PNP: variants seen among roughly 807,000 people sequenced by gnomAD.
PNP encodes the protein HEL-S-156an.
PNP carries 18 observed loss-of-function variants against 26.8 expected under a neutral mutation model. The observed-to-expected ratio is 0.67, with a 90% confidence interval of 0.46 to 1.00. The LOEUF is 1.00. PNP is among the 50% of genes least tolerant of loss of function. The pLI is 0.00. For missense variants in PNP, 320 were observed against 362.9 expected, an observed-to-expected ratio of 0.88 and a Z score of 0.96; for synonymous variants, 116 against 124.8, an observed-to-expected ratio of 0.93 and a Z score of 0.47.
At chr14:20,469,667 T>A in intron 1 of PNP, 132 bp downstream of exon 1, 1 of 1,217,350 alleles carries the variant, frequency 8.2e-7, no homozygotes, top group Non-Finnish European at 1.2e-6. Flanking sequence ...GGCCTGGCAC[T>A]GAGCCTAGTG....
Position 20,474,558 on chromosome 14 carries a change from G to A in PNP, c.268G>A (p.Gly90Arg), listed in dbSNP as rs775945427. 5.0e-6 allele frequency: 8 copies of A among 1,613,968 alleles called. No individual in the cohort carries two copies. In the Admixed American group the frequency reaches 1.2e-4, roughly 24 times the overall value. The part of the protein sequence containing the change: ...MMQGRFHMYE[G>R]YPLWKVTFPV... ...GCAGGGCAGGTTCCACATGTATGAA[G>A]GGTACCCACTCTGGAAGGTAAGTCA... Residue 90 changes from glycine to arginine, a missense_variant, in exon 3 of 6, where the codon GGG becomes AGG. Gly to Arg is a moderately radical substitution (Grantham distance 125). Coordinates refer to ENST00000361505, the MANE Select transcript of PNP (RefSeq NM_000270.4).
chr14:20,475,318 A>G, intron 5 of PNP, 66 bp downstream of exon 5: 1 of 1,419,556 alleles, frequency 7.0e-7, no homozygotes, highest in Middle Eastern at 2.1e-4. Flanking sequence ...AAGGGGAAGG[A>G]GTAGGAAATA....
At chr14:20,475,003 G>A (rs577416476) in intron 4 of PNP, 55 bp downstream of exon 4, 1 of 1,613,408 alleles carries the variant, frequency 6.2e-7, no homozygotes, top group South Asian at 1.1e-5. Flanking sequence ...ACTTCTCTAG[G>A]AGCTGTGGGA....
At position 20,475,091 on chromosome 14, in the gene PNP, A is replaced by C. The variant is rs774704206; in HGVS notation, c.491A>C (p.Asp164Ala). Residue 164 changes from aspartate (D) to alanine (A), a missense_variant, in exon 5 of 6, where the codon GAT (aspartate) becomes GCT (alanine). By Grantham distance (126) the Asp-to-Ala change is moderately radical (BLOSUM62 -2). Coordinates refer to ENST00000361505, the MANE Select transcript of PNP (RefSeq NM_000270.4). ...RFGDRFPAMS[D>A]AYDRTMRQRA... ...GGAGATCGTTTCCCTGCCATGTCTG[A>C]TGCCTACGACCGGACTATGAGGCAG... The C allele has an allele frequency of 6.2e-7, 1 of 1,614,112 alleles. No individual in the cohort carries two copies. The highest frequency in any genetic ancestry group is 1.3e-5 in the African/African-American group (1 of 74,928).
chr14:20,475,612 G>A (rs903302807), intron 5 of PNP, among the ~76,000 whole-genome samples: 4 of 151,996 alleles, frequency 2.6e-5, no homozygotes, highest in African/African-American at 9.7e-5. Flanking sequence ...AGCCTTCCGA[G>A]TAGCTGGGAT....
At chr14:20,469,625 C>A in intron 1 of PNP, 90 bp downstream of exon 1, 3 of 1,509,194 alleles carry the variant, frequency 2.0e-6, no homozygotes, top group Non-Finnish European at 2.7e-6. Flanking sequence ...AGGGAGCTGG[C>A]GGAGGGAGCG....
chr14:20,472,833 C>G (rs756365463), intron 2 of PNP: 3 of 251,018 alleles, frequency 1.2e-5, no homozygotes, highest in Non-Finnish European at 2.3e-5. Flanking sequence ...ATCTTCTTTT[C>G]CCTGGAGAGT....
At chr14:20,475,275 A>T (rs375577769) in intron 5 of PNP, 23 bp downstream of exon 5, 47 of 1,605,782 alleles carry the variant, frequency 2.9e-5, no homozygotes, top group Admixed American at 8.4e-5. Context: ...ATTTGGCTGG[A>T]AGCTTGAAGA....
chr14:20,469,689 G>GC, intron 1 of PNP, 154 bp downstream of exon 1: 1 of 1,066,140 alleles, frequency 9.4e-7, no homozygotes. Context: ...CGGGAGCAAG[G>GC]CGGCAGAGTC....
rs1882130746 is a variant in PNP, at chr14:20,476,983, G to A, written c.*382G>A. On this transcript the variant is annotated 3_prime_UTR_variant, in exon 6 of 6. Transcript: ENST00000361505. Reference sequence around the variant, plus strand: ...GAGATAATACATTCCGAGGGGCTCAGTTCTGCCTTATCTAAATCACCAGAG... The same window carrying A: ...GAGATAATACATTCCGAGGGGCTCAATTCTGCCTTATCTAAATCACCAGAG... 9.3e-6 allele frequency: 3 copies of A among 323,610 alleles called. No homozygotes were observed. Among genetic ancestry groups the A allele is most frequent in the African/African-American group, 2.1e-5 (1 of 46,708 alleles). The allele number at this position is 323,610 out of a possible 1,614,324, so 20.0% of individuals were successfully genotyped here.
chr14:20,471,907 T>A (rs1429568417), intron 1 of PNP, among the ~76,000 whole-genome samples: 1 of 152,202 alleles, frequency 6.6e-6, no homozygotes, highest in Non-Finnish European at 1.5e-5. Context: ...GGCTCCCTCC[T>A]GGCCAAGCCC....
At position 20,474,584 on chromosome 14, in the gene PNP, GA is replaced by G; in HGVS notation, c.285+10del. ...GGTACCCACTCTGGAAGGTAAGTCAGAGGGATAGGTCCGGTTGGATCTGGAA... is the reference window on the plus strand; with the variant it reads ...GGTACCCACTCTGGAAGGTAAGTCAGGGGATAGGTCCGGTTGGATCTGGAA... On this transcript the variant is annotated intron_variant, in intron 3 of 5. Transcript: ENST00000361505. The G allele has an allele frequency of 6.2e-7, 1 of 1,610,250 alleles. No individual in the cohort carries two copies. Among genetic ancestry groups the G allele is most frequent in the Non-Finnish European group, 8.5e-7 (1 of 1,176,488 alleles).
In PNP at chr14:20,472,484, G is replaced by A; in HGVS notation, c.181+7G>A. 6.2e-7 allele frequency: 1 copy of A among 1,613,072 alleles called. No homozygotes were observed. The highest frequency in any genetic ancestry group is 8.5e-7 in the Non-Finnish European group (1 of 1,179,074). ...AACTTTCCCCGAAGTACAGGTACTG[G>A]CAAGGGAAAGTGGGGAATGGGACTG... On this transcript the variant is annotated splice_region_variant and intron_variant, in intron 2 of 5. Transcript: ENST00000361505.
chr14:20,474,138 G>A, intron 2 of PNP: 1 of 325,008 alleles, frequency 3.1e-6, no homozygotes, highest in Non-Finnish European at 5.9e-6. Flanking sequence ...CCATTTCTGA[G>A]TATCTACTTT....
chr14:20,475,680 T>C (rs2139339047), intron 5 of PNP, among the ~76,000 whole-genome samples: 1 of 152,280 alleles, frequency 6.6e-6, no homozygotes, highest in Admixed American at 6.5e-5. Context: ...AGACAAGGTT[T>C]CACCATGTTG....
At chr14:20,470,895 C>T (rs1289221618) in intron 1 of PNP, among the ~76,000 whole-genome samples, 2 of 152,286 alleles carry the variant, frequency 1.3e-5, no homozygotes, top group South Asian at 4.1e-4. Context: ...CAATTTACAT[C>T]CCTTGTTTAT....
Position 20,474,943 on chromosome 14 carries a change from T to C in PNP, c.456T>C (p.Asp152=). The change falls in exon 4 of 6, where the codon GAT becomes GAC. Residue 152 remains aspartate, a synonymous_variant. Coordinates refer to ENST00000361505, the MANE Select transcript of PNP (RefSeq NM_000270.4). ...AGAACCCTCTCAGAGGGCCCAATGA[T>C]GAAAGGTATGTATGTTACTCCGTTT... The part of the protein sequence containing the change: ...SGQNPLRGPN[D]ERFGDRFPAM... The C allele has an allele frequency of 6.2e-7, 1 of 1,614,148 alleles. No individual in the cohort carries two copies. The highest frequency in any genetic ancestry group is 8.5e-7 in the Non-Finnish European group (1 of 1,180,012).
chr14:20,469,533 C>T lies in PNP; in HGVS notation c.9C>T (p.Asn3=). The T allele has an allele frequency of 6.4e-7, 1 of 1,554,166 alleles. No homozygotes were observed. Among genetic ancestry groups the T allele is most frequent in the Non-Finnish European group, 8.7e-7 (1 of 1,149,124 alleles). Residue 3 remains asparagine, a splice_region_variant and synonymous_variant, in exon 1 of 6, where the codon AAC becomes AAT. Transcript: ENST00000361505. ME[N]GYTYEDYKNT... Reference sequence around the variant, plus strand: ...AAGGCGTCTGCGAGACCATGGAGAACGGGTGAGGAGGGCACCAGGCCCGCA... The same window carrying T: ...AAGGCGTCTGCGAGACCATGGAGAATGGGTGAGGAGGGCACCAGGCCCGCA...
chr14:20,471,436 T>TTA (rs1187235790), intron 1 of PNP, among the ~76,000 whole-genome samples: 5 of 151,674 alleles, frequency 3.3e-5, no homozygotes, highest in African/African-American at 1.2e-4. Context: ...GTGTGTTTTT[T>TTA]ATAGGGTCTC....
Sources: gnomAD v4.1 joint callset for allele counts (sites outside exome capture counted in the v4.1 genomes callset) on GRCh38, gnomAD v4.1.1 for gene constraint, MANE v1.5 for transcripts, NCBI Gene and HGNC (gene_info 2026-07-23, HGNC 2026-07-21) for gene names.